The following TMPRSS15 variants were observed in gnomAD, a reference collection of about 807,000 sequenced individuals.
TMPRSS15 encodes enteropeptidase.
In TMPRSS15, 128 loss-of-function variants were observed where a neutral mutation model predicts 125.3. The observed-to-expected ratio is 1.02, with a 90% confidence interval of 0.89 to 1.18. TMPRSS15 has a LOEUF of 1.18. Among genes scored for constraint, TMPRSS15 ranks in the 50% most tolerant of loss-of-function variants. TMPRSS15 has a pLI of 0.00. For synonymous variants in TMPRSS15, 446 were observed against 423.2 expected (o/e 1.05, Z -0.66); for missense variants, 1,283 against 1,212.7 (o/e 1.06, Z -0.86).
intron 1 of TMPRSS15, among the ~76,000 whole-genome samples, chr21:18,422,637 G>A (rs73325952): frequency 0.013 from 1,904 of 152,240 alleles, 53 homozygotes; most frequent in African/African-American, 0.043. Flanking sequence ...TCCCATTTAT[G>A]AGATGTGGAA....
At chr21:18,463,141 C>A (rs1978583152) in intron 1 of TMPRSS15, among the ~76,000 whole-genome samples, 2 of 148,144 alleles carry the variant, frequency 1.4e-5, no homozygotes, top group Admixed American at 1.4e-4. Context: ...GACAAAGAGT[C>A]AAGACCCATC....
intron 10 of TMPRSS15, among the ~76,000 whole-genome samples, chr21:18,346,342 C>T (rs568091895): frequency 1.5e-4 from 23 of 152,118 alleles, no homozygotes; most frequent in Non-Finnish European, 2.6e-4. Flanking sequence ...TATTCCAAGG[C>T]ATCCCATTCC....
At chr21:18,310,247 A>C (rs963212442) in intron 18 of TMPRSS15, among the ~76,000 whole-genome samples, 3 of 152,184 alleles carry the variant, frequency 2.0e-5, no homozygotes, top group Non-Finnish European at 2.9e-5. Context: ...AAGGGCATCC[A>C]AATTGGAAAG....
chr21:18,270,178 C>T (rs2074537657), intron 24 of TMPRSS15, 54 bp from the exon 25 acceptor site: 2 of 1,442,982 alleles, frequency 1.4e-6, no homozygotes, highest in Non-Finnish European at 1.9e-6. Flanking sequence ...TTGATCGAAA[C>T]ATATAAAATT....
At chr21:18,456,698 T>A (rs1051136052) in intron 1 of TMPRSS15, among the ~76,000 whole-genome samples, 6 of 152,074 alleles carry the variant, frequency 3.9e-5, no homozygotes, top group Admixed American at 2.6e-4. Flanking sequence ...AAATCACATA[T>A]AAATAATTTA....
At chr21:18,451,607 T>C (rs146143745) in intron 1 of TMPRSS15, among the ~76,000 whole-genome samples, 6 of 152,306 alleles carry the variant, frequency 3.9e-5, no homozygotes, top group African/African-American at 1.2e-4. Flanking sequence ...TTACATGAGC[T>C]CTGGTTTGTC....
chr21:18,428,240 T>C (rs564959192), intron 1 of TMPRSS15, among the ~76,000 whole-genome samples: 3 of 152,210 alleles, frequency 2.0e-5, no homozygotes, highest in Admixed American at 1.3e-4. Context: ...GTCCTTACAG[T>C]AGTCAGGTGA....
At chr21:18,453,291 A>G (rs1232420122) in intron 1 of TMPRSS15, among the ~76,000 whole-genome samples, 1 of 152,198 alleles carries the variant, frequency 6.6e-6, no homozygotes, top group South Asian at 2.1e-4. Flanking sequence ...AAGGCCCTCC[A>G]GATACTCATA....
chr21:18,460,127 T>C (rs1477020357), intron 1 of TMPRSS15, among the ~76,000 whole-genome samples: 1 of 152,178 alleles, frequency 6.6e-6, no homozygotes, highest in Non-Finnish European at 1.5e-5. Context: ...GCCACTTTCC[T>C]GTATTTATGG....
At chr21:18,435,679 T>C (rs1432767207) in intron 1 of TMPRSS15, among the ~76,000 whole-genome samples, 1 of 152,168 alleles carries the variant, frequency 6.6e-6, no homozygotes, top group Non-Finnish European at 1.5e-5. Context: ...TCTTTTTCTA[T>C]TGATTGGAAT....
chr21:18,337,609 T>C (rs929261707), intron 13 of TMPRSS15, among the ~76,000 whole-genome samples: 1 of 152,196 alleles, frequency 6.6e-6, no homozygotes, highest in African/African-American at 2.4e-5. Context: ...ATCTCTGTGG[T>C]TATGAAAGCC....
At chr21:18,484,523 A>C in intron 1 of TMPRSS15, among the ~76,000 whole-genome samples, 1 of 151,792 alleles carries the variant, frequency 6.6e-6, no homozygotes, top group Non-Finnish European at 1.5e-5. Context: ...TTCTCTCTAA[A>C]AAAAAAATTT....
chr21:18,280,343 A>G (rs760248672), intron 22 of TMPRSS15, among the ~76,000 whole-genome samples: 138 of 152,224 alleles, frequency 9.1e-4, no homozygotes, highest in Non-Finnish European at 1.5e-3. Context: ...TTGGGAGGGC[A>G]AGGTGGGTGG....
At position 18,452,766 on chromosome 21, in the gene TMPRSS15, A is replaced by AT. The variant is rs34268138; in HGVS notation, c.10+33032dup. On this transcript the variant is annotated intron_variant, in intron 1 of 7. Transcript: ENST00000422787. ...ATTTCAATATGAGCCAATAGAAATC[A>AT]TTTATTTAACAGCTTTATTGAGTTA... Among the ~76,000 whole-genome samples, 13 of 1,404 alleles carry AT rather than the reference A, an allele frequency of 9.3e-3. No individual in the cohort carries two copies. The South Asian group carries it at 0.23, about 25-fold the overall frequency. 0.9% of individuals were successfully genotyped at this position (1,404 alleles called of 152,430 possible).
intron 1 of TMPRSS15, among the ~76,000 whole-genome samples, chr21:18,419,284 G>GGTGTGCA (rs1841747256): frequency 7.0e-6 from 1 of 143,082 alleles, no homozygotes; most frequent in African/African-American, 2.6e-5. Flanking sequence ...GGAGTGCAGT[G>GGTGTGCA]GTGCTATCTC....
intron 1 of TMPRSS15, among the ~76,000 whole-genome samples, chr21:18,480,595 T>C (rs76126739): frequency 0.024 from 3,624 of 151,954 alleles, 160 homozygotes; most frequent in African/African-American, 0.081. Flanking sequence ...TGAGTTCTTT[T>C]GTCAGGGTGC....
intron 1 of TMPRSS15, among the ~76,000 whole-genome samples, chr21:18,430,164 G>A (rs962484971): frequency 3.9e-5 from 6 of 151,978 alleles, no homozygotes; most frequent in Non-Finnish European, 8.8e-5. Flanking sequence ...AAAATTTGGG[G>A]TCACAAAAAA....
rs139578116 is a variant in TMPRSS15 at position 18,289,288 on chromosome 21, G to A, written c.2486+4982C>T. ...AGCACTTTGAGAGGCTGAGGTGGGCGGATCACCTGAGGTTGGGCTTTCAAG... is the reference window on the plus strand; with the variant it reads ...AGCACTTTGAGAGGCTGAGGTGGGCAGATCACCTGAGGTTGGGCTTTCAAG... On this transcript the variant is annotated intron_variant, in intron 21 of 24. Coordinates refer to ENST00000284885, the MANE Select transcript of TMPRSS15 (RefSeq NM_002772.3). 2.4e-3 allele frequency among the ~76,000 whole-genome samples: 370 copies of A among 152,238 alleles called. 1 individual carries two copies. The highest frequency in any genetic ancestry group is 0.01 in the Middle Eastern group (3 of 294).
At chr21:18,459,765 A>T (rs1415672637) in intron 1 of TMPRSS15, among the ~76,000 whole-genome samples, 4 of 152,222 alleles carry the variant, frequency 2.6e-5, no homozygotes, top group Non-Finnish European at 5.9e-5. Flanking sequence ...AAATATATCA[A>T]TAAATCTAAG....
Sources: allele counts gnomAD v4.1 joint callset (sites outside exome capture counted in the v4.1 genomes callset), GRCh38; gene constraint gnomAD v4.1.1; transcripts MANE v1.5; gene names NCBI Gene and HGNC (gene_info 2026-07-23, HGNC 2026-07-21).